FHIT: variants seen among roughly 807,000 people sequenced by gnomAD.
FHIT encodes bis(5'-adenosyl)-triphosphatase.
FHIT carries 19 observed loss-of-function variants against 17.9 expected under a neutral mutation model. The observed-to-expected ratio is 1.06, with a 90% CI of 0.74 to 1.56. The LOEUF (loss-of-function observed/expected upper bound fraction) is 1.56. Among genes scored for constraint, FHIT ranks in the 40% most tolerant of loss-of-function variants. The pLI, the probability that FHIT is intolerant of heterozygous loss-of-function variation, is 0.00. For missense variants in FHIT, 248 were observed against 189.2 expected (o/e 1.31, Z -1.82); for synonymous variants, 81 against 69.7 (o/e 1.16, Z -0.81).
chr3:60,429,417 A>C (rs2107289769), intron 5 of FHIT, among the ~76,000 whole-genome samples: 1 of 152,202 alleles, frequency 6.6e-6, no homozygotes, highest in South Asian at 2.1e-4. Context: ...ATTCAAAGAA[A>C]CCCAAGCAAA....
intron 5 of FHIT, among the ~76,000 whole-genome samples, chr3:60,533,519 A>T (rs1325123831): frequency 6.6e-6 from 1 of 152,252 alleles, no homozygotes; most frequent in African/African-American, 2.4e-5. Context: ...CCTGGAACAG[A>T]GTATGAGCTC....
At chr3:60,289,489 C>T (rs2106647412) in intron 5 of FHIT, among the ~76,000 whole-genome samples, 1 of 152,254 alleles carries the variant, frequency 6.6e-6, no homozygotes, top group African/African-American at 2.4e-5. Context: ...TTATTCACCA[C>T]ATTATTAAAC....
chr3:59,972,370 A>G (rs1708224076), intron 7 of FHIT, among the ~76,000 whole-genome samples: 1 of 152,068 alleles, frequency 6.6e-6, no homozygotes, highest in Non-Finnish European at 1.5e-5. Flanking sequence ...GCTACCTGTG[A>G]AGCTTGGTTC....
intron 3 of FHIT, among the ~76,000 whole-genome samples, chr3:61,010,530 G>A (rs1327253842): frequency 1.3e-5 from 2 of 152,156 alleles, no homozygotes; most frequent in Non-Finnish European, 2.9e-5. Flanking sequence ...CAGCATCTGG[G>A]TTTATCTGCT....
intron 5 of FHIT, among the ~76,000 whole-genome samples, chr3:60,189,887 A>G (rs1423668574): frequency 6.6e-6 from 1 of 152,140 alleles, no homozygotes; most frequent in Non-Finnish European, 1.5e-5. Flanking sequence ...CAGCAAAACT[A>G]CTAATTAGAG....
At chr3:59,814,965 G>A (rs1390134964) in intron 8 of FHIT, among the ~76,000 whole-genome samples, 1 of 152,208 alleles carries the variant, frequency 6.6e-6, no homozygotes, top group African/African-American at 2.4e-5. Context: ...TCCAGCTCAT[G>A]AGCATAAAGC....
chr3:60,895,799 T>C (rs1389150463), intron 3 of FHIT, among the ~76,000 whole-genome samples: 2 of 144,088 alleles, frequency 1.4e-5, no homozygotes, highest in Non-Finnish European at 3.0e-5. Flanking sequence ...CTGGTTCCTG[T>C]GTCATTCAGA....
intron 3 of FHIT, among the ~76,000 whole-genome samples, chr3:60,918,389 T>G (rs1707113610): frequency 1.3e-5 from 2 of 152,172 alleles, no homozygotes; most frequent in South Asian, 4.1e-4. Flanking sequence ...TCCAGAAACA[T>G]AGGTCCCAGT....
At chr3:60,016,467 C>A (rs1180971041) in intron 5 of FHIT, among the ~76,000 whole-genome samples, 1 of 152,144 alleles carries the variant, frequency 6.6e-6, no homozygotes, top group Non-Finnish European at 1.5e-5. Context: ...GGCTGGCAAC[C>A]TACTCACTCA....
intron 5 of FHIT, among the ~76,000 whole-genome samples, chr3:60,206,574 T>A (rs1187555333): frequency 1.3e-5 from 2 of 152,198 alleles, no homozygotes; most frequent in African/African-American, 2.4e-5. Context: ...CTCTAAGGCA[T>A]GAAAGAGGCA....
intron 8 of FHIT, among the ~76,000 whole-genome samples, chr3:59,767,323 A>T (rs1701850015): frequency 6.6e-6 from 1 of 152,148 alleles, no homozygotes; most frequent in Non-Finnish European, 1.5e-5. Flanking sequence ...ACATGGTGAC[A>T]CCCTATCTCT....
At chr3:61,143,999 T>G (rs1182092803) in intron 2 of FHIT, among the ~76,000 whole-genome samples, 1 of 152,232 alleles carries the variant, frequency 6.6e-6, no homozygotes, top group Non-Finnish European at 1.5e-5. Flanking sequence ...AATAAATGAA[T>G]TACCTTTACT....
intron 7 of FHIT, among the ~76,000 whole-genome samples, chr3:59,930,374 A>G (rs1448423912): frequency 6.6e-6 from 1 of 152,188 alleles, no homozygotes; most frequent in Non-Finnish European, 1.5e-5. Flanking sequence ...TGACACCTGG[A>G]GTCTCATAAT....
At chr3:60,139,767 C>A (rs1699959173) in intron 5 of FHIT, among the ~76,000 whole-genome samples, 1 of 151,734 alleles carries the variant, frequency 6.6e-6, no homozygotes, top group East Asian at 1.9e-4. Context: ...CACTATCAAT[C>A]ATCTACTTAA....
At chr3:60,406,125 G>T (rs139599924) in intron 5 of FHIT, among the ~76,000 whole-genome samples, 1 of 152,232 alleles carries the variant, frequency 6.6e-6, no homozygotes, top group African/African-American at 2.4e-5. Context: ...CTTTTAAAAA[G>T]CTGATATTAT....
intron 4 of FHIT, among the ~76,000 whole-genome samples, chr3:60,568,977 TC>T (rs1203782766): frequency 3.9e-5 from 2 of 51,554 alleles, no homozygotes; most frequent in East Asian, 7.1e-4. Context: ...TGCTAGAGAT[TC>T]TTTTTTTTTT....
chr3:60,071,437 T>C (rs1443782310), intron 5 of FHIT, among the ~76,000 whole-genome samples: 7 of 152,198 alleles, frequency 4.6e-5, no homozygotes, highest in African/African-American at 1.7e-4. Context: ...CAACCGTGTC[T>C]GTATTGGCCT....
chr3:60,593,988 T>A (rs1553665325), intron 4 of FHIT, among the ~76,000 whole-genome samples: 1 of 152,122 alleles, frequency 6.6e-6, no homozygotes, highest in South Asian at 2.1e-4. Flanking sequence ...CGACTTCTCA[T>A]GGTATATGAA....
intron 4 of FHIT, among the ~76,000 whole-genome samples, chr3:60,719,176 A>G (rs1335162809): frequency 2.0e-5 from 3 of 152,196 alleles, no homozygotes; most frequent in Admixed American, 1.3e-4. Flanking sequence ...GGCAAGAAAC[A>G]CTAAATAAGA....
Sources: allele counts gnomAD v4.1 joint callset (sites outside exome capture counted in the v4.1 genomes callset), GRCh38; gene constraint gnomAD v4.1.1; transcripts MANE v1.5; gene names NCBI Gene and HGNC (gene_info 2026-07-23, HGNC 2026-07-21).